Variants in MPP7 observed in about 807,000 individuals in gnomAD.
MPP7 encodes the protein MAGUK p55 subfamily member 7.
Under a neutral mutation model 76.5 loss-of-function variants are expected in MPP7, and 60 were observed. The observed-to-expected ratio is 0.78, with a 90% CI of 0.64 to 0.97. The LOEUF is 0.97. MPP7 is among the 50% of genes least tolerant of loss of function. The pLI is 0.00. For missense variants in MPP7, 641 were observed against 694.0 expected, an observed-to-expected ratio of 0.92 and a Z score of 0.86; for synonymous variants, 237 against 244.5, an observed-to-expected ratio of 0.97 and a Z score of 0.29.
At chr10:28,118,155 T>C in intron 11 of MPP7, 1 of 984,838 alleles carries the variant, frequency 1.0e-6, no homozygotes, top group Non-Finnish European at 1.2e-6. Context: ...TCCGTTACAA[T>C]TAATACTTCT....
chr10:28,095,954 T>C (rs1292529390), intron 11 of MPP7, among the ~76,000 whole-genome samples: 2 of 152,212 alleles, frequency 1.3e-5, no homozygotes, highest in East Asian at 1.9e-4. Context: ...TTTATTACAA[T>C]AGGAAAGTGA....
intron 13 of MPP7, among the ~76,000 whole-genome samples, chr10:28,062,569 CACACACACACACCAAAGGTT>C (rs1851834417): frequency 8.0e-6 from 1 of 125,118 alleles, no homozygotes; most frequent in Admixed American, 8.7e-5. Context: ...CACACACACA[CACACACACACACCAAAGGTT>C]GGCTTTAATA....
At chr10:28,141,201 AT>A (rs35077866) in intron 5 of MPP7, among the ~76,000 whole-genome samples, 3 of 151,852 alleles carry the variant, frequency 2.0e-5, no homozygotes, top group Non-Finnish European at 4.4e-5. Context: ...ATTCTGATTT[AT>A]TTTTTTTAAA....
At chr10:28,285,724 T>C (rs1466055063) in intron 1 of MPP7, among the ~76,000 whole-genome samples, 1 of 152,068 alleles carries the variant, frequency 6.6e-6, no homozygotes, top group South Asian at 2.1e-4. Flanking sequence ...GAAGTAGTTT[T>C]GCCAAAAAAA....
At chr10:28,300,570 T>C (rs1841130790) in intron 1 of MPP7, among the ~76,000 whole-genome samples, 1 of 151,746 alleles carries the variant, frequency 6.6e-6, no homozygotes, top group Admixed American at 6.6e-5. Flanking sequence ...GTAAGAAGAG[T>C]TGCCTTATAT....
intron 1 of MPP7, among the ~76,000 whole-genome samples, chr10:28,269,519 TTTTATC>T (rs1368651197): frequency 6.7e-6 from 1 of 148,186 alleles, no homozygotes; most frequent in Admixed American, 6.8e-5. Flanking sequence ...GAATATTTGT[TTTTATC>T]TTTTTTTTTT....
intron 4 of MPP7, among the ~76,000 whole-genome samples, chr10:28,148,769 A>C (rs559221518): frequency 6.6e-6 from 1 of 152,314 alleles, no homozygotes; most frequent in East Asian, 1.9e-4. Flanking sequence ...TCATATTTAT[A>C]TAGCAGTCTC....
intron 1 of MPP7, among the ~76,000 whole-genome samples, chr10:28,245,659 A>G (rs1205158331): frequency 7.0e-6 from 1 of 143,596 alleles, no homozygotes; most frequent in African/African-American, 2.5e-5. Flanking sequence ...CGCTTTTATC[A>G]CATTTTTTTT....
chr10:28,087,369 C>T (rs1853064993), intron 12 of MPP7, among the ~76,000 whole-genome samples: 1 of 152,120 alleles, frequency 6.6e-6, no homozygotes, highest in South Asian at 2.1e-4. Flanking sequence ...CAGCAACACA[C>T]AACAGACTAA....
At chr10:28,149,157 AATT>A (rs1835800798) in intron 4 of MPP7, among the ~76,000 whole-genome samples, 1 of 152,368 alleles carries the variant, frequency 6.6e-6, no homozygotes, top group Admixed American at 6.5e-5. Flanking sequence ...CCAATTTTTT[AATT>A]ATATTATGGC....
chr10:28,278,130 T>C (rs886868701), intron 1 of MPP7, among the ~76,000 whole-genome samples: 10 of 152,066 alleles, frequency 6.6e-5, no homozygotes, highest in Admixed American at 5.2e-4. Context: ...AAACTAACAC[T>C]GTTACCAAAA....
At chr10:28,207,401 A>G (rs966443520) in intron 2 of MPP7, among the ~76,000 whole-genome samples, 3 of 152,158 alleles carry the variant, frequency 2.0e-5, no homozygotes, top group African/African-American at 4.8e-5. Flanking sequence ...AAGGTCAGAA[A>G]AGGTTATATT....
At chr10:28,325,016 T>C (rs955153568) in intron 2 of MPP7, among the ~76,000 whole-genome samples, 12 of 152,100 alleles carry the variant, frequency 7.9e-5, no homozygotes, top group Non-Finnish European at 1.8e-4. Context: ...TCTCAGCCTC[T>C]CAAGTGGCTG....
intron 10 of MPP7, 149 bp downstream of exon 10, chr10:28,120,045 T>A: frequency 1.2e-6 from 1 of 821,048 alleles, no homozygotes; most frequent in African/African-American, 1.7e-5. Flanking sequence ...TCATACTTAG[T>A]TAGACAAAAC....
chr10:28,069,736 T>C (rs745929389), intron 13 of MPP7, 36 bp downstream of exon 13: 2 of 1,461,068 alleles, frequency 1.4e-6, no homozygotes, highest in Non-Finnish European at 9.3e-7. Context: ...TTATCGTAAG[T>C]GTAGTCATAG....
intron 1 of MPP7, among the ~76,000 whole-genome samples, chr10:28,292,113 C>A (rs1840934961): frequency 6.6e-6 from 1 of 152,150 alleles, no homozygotes; most frequent in African/African-American, 2.4e-5. Context: ...CCATTATGTT[C>A]CAGTTGCCTA....
rs372595246 is a variant in MPP7, at chr10:28,111,204, G to GA, written c.952+8446dup. ...GAATAGGAAGATGTTGCACCCAAAGGAAAAAAAAAATCCACCTACCACACT... is the reference window on the plus strand; with the variant it reads ...GAATAGGAAGATGTTGCACCCAAAGGAAAAAAAAAAATCCACCTACCACACT... On this transcript the variant is annotated intron_variant, in intron 11 of 16. Transcript: ENST00000683449. Among the ~76,000 whole-genome samples the GA allele has an allele frequency of 2.8e-4, 41 of 148,448 alleles. No homozygotes were observed. In the East Asian group the frequency reaches 3.5e-3, roughly 13 times the overall value.
intron 1 of MPP7, among the ~76,000 whole-genome samples, chr10:28,290,643 T>C (rs61702002): frequency 0.015 from 2,310 of 152,224 alleles, 39 homozygotes; most frequent in East Asian, 0.071. Flanking sequence ...CAGTTAACTT[T>C]TGTATTTTTA....
intron 15 of MPP7, chr10:28,057,963 A>C: frequency 1.1e-6 from 1 of 910,314 alleles, no homozygotes; most frequent in South Asian, 1.8e-5. Flanking sequence ...TTCATAATGG[A>C]GTTTCCAGGA....
Sources: allele counts gnomAD v4.1 joint callset (sites outside exome capture counted in the v4.1 genomes callset), GRCh38; gene constraint gnomAD v4.1.1; transcripts MANE v1.5; gene names NCBI Gene and HGNC (gene_info 2026-07-23, HGNC 2026-07-21).